Variants in ACTR3B observed in about 807,000 individuals in gnomAD.
The protein encoded by ACTR3B is actin related protein 3B.
ACTR3B carries 8 observed loss-of-function variants against 59.0 expected under a neutral mutation model. The ratio of observed to expected loss-of-function variants is 0.14; its 90% CI spans 0.08 to 0.24. ACTR3B has a LOEUF of 0.24. ACTR3B is among the 10% of genes least tolerant of loss of function. ACTR3B has a pLI of 1.00. For missense variants in ACTR3B, 245 were observed against 552.3 expected (o/e 0.44, Z 5.58); for synonymous variants, 148 against 197.9 (o/e 0.75, Z 2.12).
At chr7:152,792,768 A>G (rs7783496) in intron 2 of ACTR3B, among the ~76,000 whole-genome samples, 7,875 of 152,022 alleles carry the variant, frequency 0.052, 239 homozygotes, top group South Asian at 0.11. Context: ...CAAAAAAACA[A>G]AAACAAAAAC....
chr7:152,820,192 G>T, intron 6 of ACTR3B, 107 bp from the exon 7 acceptor site: 1 of 1,548,128 alleles, frequency 6.5e-7, no homozygotes, highest in Non-Finnish European at 8.8e-7. Flanking sequence ...GCTTGTCAGT[G>T]CCATGAGGGG....
At chr7:152,779,859 G>A (rs1040997407) in intron 1 of ACTR3B, among the ~76,000 whole-genome samples, 11 of 152,158 alleles carry the variant, frequency 7.2e-5, no homozygotes, top group African/African-American at 2.4e-4. Flanking sequence ...TTTGTTTGAT[G>A]TTTGTTACAT....
intron 1 of ACTR3B, among the ~76,000 whole-genome samples, chr7:152,764,643 C>CAAAAAAA (rs57066285): frequency 8.6e-6 from 1 of 116,744 alleles, no homozygotes; most frequent in Non-Finnish European, 2.0e-5. Flanking sequence ...GACTCCATCT[C>CAAAAAAA]AAAAAAAAAA....
Position 152,855,236 on chromosome 7 carries a change from C to T in ACTR3B, c.*683C>T, listed in dbSNP as rs1046726643. ...AAACAGTAATGTATGAGAATTACTA[C>T]AGATACATGTATCTTTTAGTTTTTT... On this transcript the variant is annotated 3_prime_UTR_variant, in exon 12 of 12. Coordinates refer to ENST00000256001, the MANE Select transcript of ACTR3B (RefSeq NM_020445.6). 1 of 152,546 alleles carries T rather than the reference C, an allele frequency of 6.6e-6. No homozygotes were observed. Among genetic ancestry groups the T allele is most frequent in the Admixed American group, 6.5e-5 (1 of 15,286 alleles). 9.4% of individuals were successfully genotyped at this position (152,546 alleles called of 1,614,324 possible).
At chr7:152,796,135 G>A (rs1318241426) in intron 2 of ACTR3B, among the ~76,000 whole-genome samples, 12 of 152,282 alleles carry the variant, frequency 7.9e-5, no homozygotes, top group Admixed American at 2.0e-4. Context: ...GTGAGCCACC[G>A]CGCCCGGCCT....
At chr7:152,791,171 C>T (rs565029722) in intron 2 of ACTR3B, among the ~76,000 whole-genome samples, 84 of 151,956 alleles carry the variant, frequency 5.5e-4, no homozygotes, top group African/African-American at 1.9e-3. Context: ...CCACCATGCC[C>T]GGCTGATTTT....
rs1288974828 is a variant in ACTR3B at position 152,759,782 on chromosome 7, G to C, written c.-101G>C. The C allele has an allele frequency of 2.1e-6, 2 of 955,534 alleles. No individual in the cohort carries two copies. Among genetic ancestry groups the C allele is most frequent in the Non-Finnish European group, 2.6e-6 (2 of 774,208 alleles). The allele number at this position is 955,534 out of a possible 1,614,324, so 59.2% of individuals were successfully genotyped here. A position where few individuals can be genotyped will look rare whatever the true frequency, so the allele number is the denominator to read the frequency against. On this transcript the variant is annotated 5_prime_UTR_variant, in exon 1 of 12. Coordinates refer to ENST00000256001, the MANE Select transcript of ACTR3B (RefSeq NM_020445.6). ...GGCTCCCGGCAGCGGCGCTGCGGCG[G>C]CTCGCGGGAGACGCTGCGCGCGGGG...
At chr7:152,793,174 CT>C (rs367836487) in intron 2 of ACTR3B, among the ~76,000 whole-genome samples, 9 of 68,084 alleles carry the variant, frequency 1.3e-4, no homozygotes, top group Admixed American at 1.0e-3. Flanking sequence ...TTTCTCTTCC[CT>C]TTTTTTTTTC....
At chr7:152,800,784 AG>A (rs1375649483) in intron 3 of ACTR3B, 129 bp downstream of exon 3, 1 of 1,217,596 alleles carries the variant, frequency 8.2e-7, no homozygotes, top group African/African-American at 1.6e-5. Flanking sequence ...GTTTGAATAG[AG>A]GTGGTGGTGA....
intron 9 of ACTR3B, among the ~76,000 whole-genome samples, chr7:152,834,843 T>G (rs1046121481): frequency 1.8e-4 from 27 of 152,360 alleles, no homozygotes; most frequent in African/African-American, 6.5e-4. Context: ...AGATACTTTC[T>G]GGCTAAAATG....
Position 152,820,411 on chromosome 7 carries a change from A to C in ACTR3B, c.653A>C (p.Glu218Ala). The C allele has an allele frequency of 6.2e-7, 1 of 1,605,096 alleles. No individual in the cohort carries two copies. The highest frequency in any genetic ancestry group is 8.5e-7 in the Non-Finnish European group (1 of 1,174,462). ...GAGAGGGAGGTGGGAATCCCTCCTGAGCAGTCACTGGAGACCGCAAAAGCC... is the reference window on the plus strand; with the variant it reads ...GAGAGGGAGGTGGGAATCCCTCCTGCGCAGTCACTGGAGACCGCAAAAGCC... ...LREREVGIPP[E>A]QSLETAKAIK... is the part of the protein sequence containing the mutation. Residue 218 changes from glutamate (E) to alanine (A), a missense_variant, in exon 7 of 12, where the codon GAG (glutamate) becomes GCG (alanine). Around this residue, in one of 7 missense-constraint regions of ACTR3B, gnomAD observed 12 missense variants for 68.7 expected, o/e 0.17. Transcript: ENST00000256001.
At chr7:152,772,381 C>A (rs1270061142) in intron 1 of ACTR3B, among the ~76,000 whole-genome samples, 1 of 151,292 alleles carries the variant, frequency 6.6e-6, no homozygotes, top group Non-Finnish European at 1.5e-5. Context: ...AAGAAAAAGC[C>A]AGGTGTGGTG....
intron 1 of ACTR3B, among the ~76,000 whole-genome samples, chr7:152,778,144 AT>A (rs1162271597): frequency 1.1e-4 from 15 of 135,906 alleles, no homozygotes; most frequent in South Asian, 9.1e-4. Flanking sequence ...TTGGTTTGAG[AT>A]TTTTTTTTTC....
chr7:152,831,782 G>A (rs1285247848), intron 9 of ACTR3B, among the ~76,000 whole-genome samples: 1 of 152,168 alleles, frequency 6.6e-6, no homozygotes, highest in Non-Finnish European at 1.5e-5. Flanking sequence ...GTTTGAACAT[G>A]GGAATGGGGA....
chr7:152,766,970 A>G (rs1325043962), intron 1 of ACTR3B, among the ~76,000 whole-genome samples: 1 of 152,014 alleles, frequency 6.6e-6, no homozygotes, highest in Non-Finnish European at 1.5e-5. Context: ...TATTTTTAGT[A>G]GAGAAGGGGG....
intron 6 of ACTR3B, among the ~76,000 whole-genome samples, chr7:152,818,391 T>C (rs1355682702): frequency 6.6e-6 from 1 of 152,226 alleles, no homozygotes; most frequent in Non-Finnish European, 1.5e-5. Context: ...GAAATAAAAT[T>C]ACCTTTAAAG....
At position 152,767,779 on chromosome 7, in the gene ACTR3B, A is replaced by G. The variant is rs1404671719; in HGVS notation, c.44+7853A>G. 2.6e-5 allele frequency among the ~76,000 whole-genome samples: 4 copies of G among 152,026 alleles called. No individual in the cohort carries two copies. The East Asian group carries it at 7.7e-4, about 29-fold the overall frequency. ...TTCCATTTTATCTTGTTTTTCTTGA[A>G]TATATGAAGATTGTTAGTTTTTTCA... is the stretch of plus-strand genomic sequence containing the variant. On this transcript the variant is annotated intron_variant, in intron 1 of 11. Coordinates refer to ENST00000256001, the MANE Select transcript of ACTR3B (RefSeq NM_020445.6).
At chr7:152,818,456 C>T (rs563880554) in intron 6 of ACTR3B, among the ~76,000 whole-genome samples, 294 of 150,652 alleles carry the variant, frequency 2.0e-3, no homozygotes, top group Non-Finnish European at 3.4e-3. Flanking sequence ...AGCTCTTTTT[C>T]TTTTTTTTTT....
chr7:152,814,291 GT>G, intron 4 of ACTR3B: 1 of 403,450 alleles, frequency 2.5e-6, no homozygotes, highest in South Asian at 2.7e-5. Context: ...GAAGATAAGA[GT>G]TTCTTTTTCT....
Sources: gnomAD v4.1 joint callset for allele counts (sites outside exome capture counted in the v4.1 genomes callset) on GRCh38, gnomAD v4.1.1 for gene constraint, gnomAD v4.1.1 regional missense constraint, MANE v1.5 for transcripts, NCBI Gene and HGNC (gene_info 2026-07-23, HGNC 2026-07-21) for gene names.